Variants in DNAH12 observed in about 807,000 individuals in gnomAD.
DNAH12 encodes the protein axonemal beta dynein heavy chain 12.
In DNAH12, 285 loss-of-function variants were observed where a neutral mutation model predicts 371.5. The observed-to-expected ratio is 0.77, with a 90% CI of 0.70 to 0.85. The LOEUF (loss-of-function observed/expected upper bound fraction) is 0.85, where lower values mean the gene tolerates loss of function less well. Ranked by LOEUF, DNAH12 falls within the 40% of genes least tolerant of loss-of-function variation. DNAH12 has a pLI of 0.00. For synonymous variants in DNAH12, 1,200 were observed against 1,213.0 expected, an observed-to-expected ratio of 0.99 and a Z score of 0.22; for missense variants, 3,611 against 3,689.4, an observed-to-expected ratio of 0.98 and a Z score of 0.55.
rs185840778 is a variant in DNAH12, at chr3:57,304,204, A to G, written c.11190-2265T>C. 2.0e-5 allele frequency among the ~76,000 whole-genome samples: 3 copies of G among 152,242 alleles called. No individual in the cohort carries two copies. In the East Asian group the frequency reaches 5.8e-4, roughly 30 times the overall value. On this transcript the variant is annotated intron_variant, in intron 69 of 73. Coordinates refer to ENST00000495027, the MANE Select transcript of DNAH12 (RefSeq NM_001366028.2). ...TCAGCCTGCGTGCACCCAGGTGATT[A>G]AAAGCTTTATTGCTCACAGAAAGCC...
chr3:57,384,416 C>T (rs1239641787), intron 49 of DNAH12, among the ~76,000 whole-genome samples: 3 of 152,032 alleles, frequency 2.0e-5, no homozygotes, highest in African/African-American at 7.2e-5. Context: ...GTGGGAGGAT[C>T]GCTTGAGCCC....
intron 30 of DNAH12, 95 bp downstream of exon 30, chr3:57,436,856 C>G: frequency 2.3e-6 from 2 of 887,878 alleles, no homozygotes; most frequent in Non-Finnish European, 3.3e-6. Flanking sequence ...CTCAACTCAC[C>G]TAATCAGTTT....
rs771112538 is a variant in DNAH12, at chr3:57,499,673, T to TATATATATATACAC, written c.1335+1647_1335+1648insGTGTATATATATAT. Among the ~76,000 whole-genome samples, 195 of 44,356 alleles carry TATATATATATACAC rather than the reference T, an allele frequency of 4.4e-3. 14 individuals are homozygous for TATATATATATACAC. Among genetic ancestry groups the TATATATATATACAC allele is most frequent in the East Asian group, 8.8e-3 (19 of 2,148 alleles). The allele number at this position is 44,356 out of a possible 152,430, so 29.1% of individuals were successfully genotyped here. Reference sequence around the variant, plus strand: ...ATATATATATATATATATATATATATATACTTCTTAAAAAAATTAGCCAGG... The same window carrying TATATATATATACAC: ...ATATATATATATATATATATATATATATATATATATACACATACTTCTTAAAAAAATTAGCCAGG... On this transcript the variant is annotated intron_variant, in intron 11 of 73. Coordinates refer to ENST00000495027, the MANE Select transcript of DNAH12 (RefSeq NM_001366028.2).
chr3:57,432,393 T>G (rs1277106651), intron 32 of DNAH12, among the ~76,000 whole-genome samples: 3 of 151,346 alleles, frequency 2.0e-5, no homozygotes, highest in Non-Finnish European at 2.9e-5. Context: ...TTGCTCAGGC[T>G]GGTCTCGAAC....
chr3:57,501,388 T>C lies in DNAH12; in HGVS notation c.1268A>G (p.Asp423Gly), dbSNP rs1357886396. 6.3e-7 allele frequency: 1 copy of C among 1,589,754 alleles called. No individual in the cohort carries two copies. Among genetic ancestry groups the C allele is most frequent in the Non-Finnish European group, 8.5e-7 (1 of 1,173,652 alleles). The change falls in exon 11 of 74, where the codon GAT (aspartate) becomes GGT (glycine). Residue 423 changes from aspartate to glycine, a missense_variant. Physicochemically the swap from Asp to Gly is moderately conservative, Grantham distance 94 (BLOSUM62 -1). This residue lies in a region of DNAH12 where 1,314 missense variants were observed against 1,398.7 expected (regional missense o/e 0.94). Coordinates refer to ENST00000495027, the MANE Select transcript of DNAH12 (RefSeq NM_001366028.2). ...CTCTATATTCTCAACTGCAGTCCCATCAAGGAGCCAATTATATTTTTCAAC... is the reference window on the plus strand; with the variant it reads ...CTCTATATTCTCAACTGCAGTCCCACCAAGGAGCCAATTATATTTTTCAAC... ...TYVEKYNWLL[D>G]GTAVENIETF...
chr3:57,309,059 T>C, intron 69 of DNAH12, 92 bp downstream of exon 69: 1 of 996,628 alleles, frequency 1.0e-6, no homozygotes, highest in Non-Finnish European at 1.4e-6. Context: ...CCTCAAAATT[T>C]TCGCCGCCCC....
intron 60 of DNAH12, among the ~76,000 whole-genome samples, chr3:57,349,612 A>AC (rs2062624788): frequency 6.6e-6 from 1 of 152,200 alleles, no homozygotes; most frequent in Non-Finnish European, 1.5e-5. Flanking sequence ...ACATATATAT[A>AC]CCACAAAATA....
rs2153398291 is a variant in DNAH12 at position 57,523,863 on chromosome 3, A to T, written c.192T>A (p.Asn64Lys). ...TTCTTTTACCCAGTGTTCTGTCTAA[A>T]TTTCTTTTGGCTCCATCAATTCTGA... ...NQLVIDGAKRNLDRTLGKRTP... is the reference protein window; with the variant it reads ...NQLVIDGAKRKLDRTLGKRTP... Residue 64 changes from asparagine (N) to lysine (K), a missense_variant, in exon 3 of 74, where the codon AAT becomes AAA. Coordinates refer to ENST00000495027, the MANE Select transcript of DNAH12 (RefSeq NM_001366028.2). The T allele has an allele frequency of 3.7e-6, 6 of 1,604,214 alleles. No individual in the cohort carries two copies. Among genetic ancestry groups the T allele is most frequent in the Non-Finnish European group, 5.1e-6 (6 of 1,175,990 alleles).
intron 62 of DNAH12, among the ~76,000 whole-genome samples, chr3:57,333,212 G>T (rs2062143594): frequency 6.7e-6 from 1 of 150,360 alleles, no homozygotes; most frequent in South Asian, 2.1e-4. Context: ...TGATTCTCTT[G>T]CCTCAGCTTC....
At chr3:57,367,220 G>C (rs2063069768) in intron 56 of DNAH12, among the ~76,000 whole-genome samples, 1 of 152,172 alleles carries the variant, frequency 6.6e-6, no homozygotes, top group African/African-American at 2.4e-5. Context: ...TGTAATCCCA[G>C]CTACTTTGGA....
chr3:57,327,302 G>C (rs1359451064), intron 62 of DNAH12, among the ~76,000 whole-genome samples: 1 of 151,382 alleles, frequency 6.6e-6, no homozygotes, highest in African/African-American at 2.4e-5. Context: ...TGACCACATA[G>C]TTGGAAGTAA....
At chr3:57,551,820 AC>A in the DNAH12 span, among the ~76,000 whole-genome samples, 3 of 152,176 alleles carry the variant, frequency 2.0e-5, no homozygotes, top group African/African-American at 7.2e-5. Flanking sequence ...TGAAAAAAAA[AC>A]AGAACTTGAG....
intron 70 of DNAH12, among the ~76,000 whole-genome samples, chr3:57,299,311 TG>T (rs2061298300): frequency 1.3e-5 from 2 of 152,216 alleles, no homozygotes; most frequent in South Asian, 4.1e-4. Flanking sequence ...CCAGGCACTG[TG>T]CTAAACATTT....
At chr3:57,353,700 C>T (rs1188580196) in intron 59 of DNAH12, among the ~76,000 whole-genome samples, 1 of 152,058 alleles carries the variant, frequency 6.6e-6, no homozygotes, top group Non-Finnish European at 1.5e-5. Context: ...CTAACAACCC[C>T]ATTAAAAAGT....
intron 2 of DNAH12, among the ~76,000 whole-genome samples, chr3:57,540,929 CAAAA>C: frequency 6.9e-6 from 1 of 145,718 alleles, no homozygotes; most frequent in Non-Finnish European, 1.5e-5. Flanking sequence ...GACCCTGTCT[CAAAA>C]AGAAAAAAAA....
intron 39 of DNAH12, among the ~76,000 whole-genome samples, chr3:57,412,442 G>A (rs1553683333): frequency 1.3e-5 from 2 of 152,086 alleles, no homozygotes; most frequent in African/African-American, 4.8e-5. Flanking sequence ...TTGAGAAACT[G>A]GACTTCATTA....
chr3:57,551,329 T>A, the DNAH12 span, among the ~76,000 whole-genome samples: 1 of 151,934 alleles, frequency 6.6e-6, no homozygotes, highest in East Asian at 1.9e-4. Flanking sequence ...TGGAGTGCAG[T>A]GGCGCGATCT....
In DNAH12 at chr3:57,468,720, T is replaced by C. The variant is rs759873732; in HGVS notation, c.2349+16A>G. On this transcript the variant is annotated intron_variant, in intron 17 of 73. Transcript: ENST00000495027. Reference sequence around the variant, plus strand: ...AGATAGCTATAATATTAAAATGTTATTATATATATTTATACCTTAAAAGCT... The same window carrying C: ...AGATAGCTATAATATTAAAATGTTACTATATATATTTATACCTTAAAAGCT... 4 of 1,312,818 alleles carry C rather than the reference T, an allele frequency of 3.0e-6. No homozygotes were observed. The highest frequency in any genetic ancestry group is 3.0e-6 in the Non-Finnish European group (3 of 1,010,812). 81.3% of individuals were successfully genotyped at this position (1,312,818 alleles called of 1,614,324 possible).
At position 57,459,442 on chromosome 3, in the gene DNAH12, A is replaced by G. The variant is rs527583103; in HGVS notation, c.2931+150T>C. 2.0e-4 allele frequency: 144 copies of G among 710,908 alleles called. 1 individual carries two copies. In the South Asian group the frequency reaches 5.7e-3, roughly 28 times the overall value. 44.0% of individuals were successfully genotyped at this position (710,908 alleles called of 1,614,324 possible). A position where few individuals can be genotyped will look rare whatever the true frequency, so the allele number is the denominator to read the frequency against. On this transcript the variant is annotated intron_variant, in intron 20 of 73. Transcript: ENST00000495027. ...AATTGAAAAGTAAACTTATTTTAATACTTTTATGCTTTCTTATATTTTTCT... is the reference window on the plus strand; with the variant it reads ...AATTGAAAAGTAAACTTATTTTAATGCTTTTATGCTTTCTTATATTTTTCT...
Sources: allele counts gnomAD v4.1 joint callset (sites outside exome capture counted in the v4.1 genomes callset), GRCh38; gene constraint gnomAD v4.1.1; regional missense constraint gnomAD v4.1.1; transcripts MANE v1.5; gene names NCBI Gene and HGNC (gene_info 2026-07-23, HGNC 2026-07-21).